The following PCM1 variants were observed in gnomAD, a reference collection of about 807,000 sequenced individuals.
PCM1 encodes pericentriolar material 1, also known as pericentriolar material 1 protein.
In PCM1, 157 loss-of-function variants were observed where a neutral mutation model predicts 241.9. The observed-to-expected ratio is 0.65, with a 90% CI of 0.57 to 0.74. The LOEUF (loss-of-function observed/expected upper bound fraction) is 0.74, where lower values mean the gene tolerates loss of function less well. PCM1 is among the 30% of genes least tolerant of loss of function. The probability of loss-of-function intolerance (pLI) is 0.00; values close to 1 mark genes in which losing one functional copy is unlikely to be tolerated. For synonymous variants in PCM1, 1,085 were observed against 784.9 expected, an observed-to-expected ratio of 1.38 and a Z score of -6.39; for missense variants, 3,478 against 2,360.1, an observed-to-expected ratio of 1.47 and a Z score of -9.81.
chr8:17,997,196 T>A (rs544725854), intron 29 of PCM1, among the ~76,000 whole-genome samples: 1 of 151,656 alleles, frequency 6.6e-6, no homozygotes, highest in Non-Finnish European at 1.5e-5. Context: ...CCTTCAGCAC[T>A]TGAAACATGT....
intron 7 of PCM1, among the ~76,000 whole-genome samples, chr8:17,950,095 T>A (rs768146043): frequency 2.0e-5 from 3 of 152,194 alleles, no homozygotes; most frequent in Admixed American, 6.5e-5. Context: ...TTGTTTACAT[T>A]GTCTGTGGTT....
At chr8:17,994,965 A>G (rs1355612050) in intron 29 of PCM1, among the ~76,000 whole-genome samples, 1 of 151,284 alleles carries the variant, frequency 6.6e-6, no homozygotes, top group African/African-American at 2.5e-5. Context: ...ATTTTCTCTC[A>G]TTCTGTGGGT....
At chr8:17,986,960 G>C (rs933464029) in intron 26 of PCM1, among the ~76,000 whole-genome samples, 1 of 151,720 alleles carries the variant, frequency 6.6e-6, no homozygotes, top group African/African-American at 2.4e-5. Context: ...TCAAAGGATT[G>C]TCTTTCCTTT....
rs1288226092 is a variant in PCM1 at position 17,947,327 on chromosome 8, A to G, written c.925A>G (p.Lys309Glu). ...RQAALLALQH[K>E]AEQAIAVMDD... ...GGCTGCACTTCTAGCTCTGCAACAT[A>G]AAGCAGAGCAAGCTATTGCAGTGAT... The change falls in exon 7 of 39, where the codon AAA (lysine) becomes GAA (glutamate). Residue 309 changes from lysine to glutamate, a missense_variant. Physicochemically the swap from Lys to Glu is moderately conservative, Grantham distance 56. Transcript: ENST00000325083. 2 of 1,609,914 alleles carry G rather than the reference A, an allele frequency of 1.2e-6. No homozygotes were observed. The highest frequency in any genetic ancestry group is 1.7e-5 in the Admixed American group (1 of 59,298).
rs184914561 is a variant in PCM1 at position 17,957,896 on chromosome 8, G to A, written c.2040+121G>A. 2.0e-4 allele frequency: 139 copies of A among 683,894 alleles called. No homozygotes were observed. In the African/African-American group the frequency reaches 2.3e-3, roughly 12 times the overall value. The allele number at this position is 683,894 out of a possible 1,614,324, so 42.4% of individuals were successfully genotyped here. ...ATACACATTTATGTATCATATGTGA[G>A]GTTTAAATTTTTAGCACTTTACATG... On this transcript the variant is annotated intron_variant, in intron 13 of 38. Transcript: ENST00000325083.
intron 21 of PCM1, among the ~76,000 whole-genome samples, chr8:17,968,092 A>G (rs2075580392): frequency 6.6e-6 from 1 of 152,186 alleles, no homozygotes; most frequent in Non-Finnish European, 1.5e-5. Flanking sequence ...AAGCTAAAGA[A>G]TGAATAGAAT....
In PCM1 at chr8:17,989,821, AAGT is replaced by A. The variant is rs1367283518; in HGVS notation, c.4411-36_4411-34del. On this transcript the variant is annotated intron_variant, in intron 26 of 38. Transcript: ENST00000325083. ...TAGATTATTAATATGAAATTCTTAG[AAGT>A]ATTAGTGATTTTTGTTTGTTTTACT... The A allele has an allele frequency of 3.0e-6, 4 of 1,350,166 alleles. No individual in the cohort carries two copies. In the South Asian group the frequency reaches 4.0e-5, roughly 14 times the overall value. 83.6% of individuals were successfully genotyped at this position (1,350,166 alleles called of 1,614,324 possible).
chr8:17,964,755 G>C lies in PCM1; in HGVS notation c.2842G>C (p.Glu948Gln). Residue 948 changes from glutamate (E) to glutamine (Q), a missense_variant, in exon 18 of 39, where the codon GAA becomes CAA. Glu to Gln is a conservative substitution (Grantham distance 29). Coordinates refer to ENST00000325083, the MANE Select transcript of PCM1 (RefSeq NM_006197.4). ...SVNHNSYNGKETKNRWKNNCP... is the reference protein window; with the variant it reads ...SVNHNSYNGKQTKNRWKNNCP... The stretch of plus-strand genomic sequence containing the variant: ...GAATCATAACTCCTACAATGGAAAG[G>C]AAACTAAAAATAGGTTAGTTTCAGT... 6.2e-7 allele frequency: 1 copy of C among 1,612,642 alleles called. No individual in the cohort carries two copies. Among genetic ancestry groups the C allele is most frequent in the African/African-American group, 1.3e-5 (1 of 74,996 alleles).
rs115113067 is a variant in PCM1, at chr8:17,967,184, C to T, written c.3412+14C>T. The stretch of plus-strand genomic sequence containing the variant: ...CATTTGCACCAGGTAGGTGACTTAA[C>T]CTAAAGAGAAAATAAATAAAAGCAA... On this transcript the variant is annotated intron_variant, in intron 21 of 38. Transcript: ENST00000325083. 2.1e-3 allele frequency: 3,297 copies of T among 1,545,712 alleles called. 53 individuals carry two copies. The African/African-American group carries it at 0.037, about 18-fold the overall frequency.
intron 21 of PCM1, 180 bp from the exon 22 acceptor site, chr8:17,969,397 A>G: frequency 1.9e-6 from 1 of 531,888 alleles, no homozygotes. Flanking sequence ...ACCAATGCCT[A>G]AAACATAGTG....
intron 24 of PCM1, among the ~76,000 whole-genome samples, chr8:17,982,385 G>A (rs1290361406): frequency 6.6e-6 from 1 of 151,918 alleles, no homozygotes; most frequent in Non-Finnish European, 1.5e-5. Context: ...AGTACTTCAG[G>A]CCCTATTACT....
chr8:17,969,887 C>G (rs530983381), intron 22 of PCM1, 139 bp downstream of exon 22: 3 of 650,224 alleles, frequency 4.6e-6, no homozygotes, highest in Non-Finnish European at 7.9e-6. Flanking sequence ...GAAACTTTGA[C>G]GTATCAGTAG....
chr8:18,015,149 C>G (rs541704680), intron 36 of PCM1, among the ~76,000 whole-genome samples: 1 of 151,888 alleles, frequency 6.6e-6, no homozygotes, highest in Admixed American at 6.6e-5. Context: ...CTATTCTTCT[C>G]AACTGTTTAG....
chr8:17,999,780 C>G (rs1026894950), intron 29 of PCM1, among the ~76,000 whole-genome samples: 2 of 151,646 alleles, frequency 1.3e-5, no homozygotes, highest in African/African-American at 2.4e-5. Flanking sequence ...ATTTGGTGTT[C>G]CAGAAGGGGA....
In PCM1 at chr8:17,947,374, G is replaced by A; in HGVS notation, c.961+11G>A. 2 of 1,551,950 alleles carry A rather than the reference G, an allele frequency of 1.3e-6. No individual in the cohort carries two copies. The highest frequency in any genetic ancestry group is 1.2e-5 in the South Asian group (1 of 82,156). On this transcript the variant is annotated intron_variant, in intron 7 of 38. Coordinates refer to ENST00000325083, the MANE Select transcript of PCM1 (RefSeq NM_006197.4). Reference sequence around the variant, plus strand: ...TGATGGATGATTCTGGTATGTCACAGTCTGAGAATATTCTTTTTGTAAGGA... The same window carrying A: ...TGATGGATGATTCTGGTATGTCACAATCTGAGAATATTCTTTTTGTAAGGA...
intron 26 of PCM1, among the ~76,000 whole-genome samples, chr8:17,987,791 C>T (rs1365337924): frequency 6.6e-6 from 1 of 151,840 alleles, no homozygotes; most frequent in Non-Finnish European, 1.5e-5. Context: ...TTTATGTCTG[C>T]ATTGTCTAAT....
At chr8:18,007,283 T>C (rs2091591237) in intron 30 of PCM1, among the ~76,000 whole-genome samples, 1 of 152,238 alleles carries the variant, frequency 6.6e-6, no homozygotes, top group South Asian at 2.1e-4. Flanking sequence ...AGATAATCAC[T>C]ATTAACTTTT....
intron 2 of PCM1, among the ~76,000 whole-genome samples, chr8:17,928,696 A>G (rs1282786030): frequency 7.4e-6 from 1 of 135,064 alleles, no homozygotes; most frequent in Non-Finnish European, 1.5e-5. Context: ...CAATGGCACT[A>G]TCTCCGCTCA....
At position 17,938,829 on chromosome 8, in the gene PCM1, G is replaced by A. The variant is rs2061195225; in HGVS notation, c.432G>A (p.Leu144=). ...LSENRKPFNF[L]PMQINTNKSK... is the part of the protein sequence containing the mutation. ...AAAACCGAAAGCCCTTCAACTTTTT[G>A]CCTATGCAGATTAATACTAACAAGA... The change falls in exon 5 of 39, where the codon TTG becomes TTA. Residue 144 remains leucine (L), a synonymous_variant. Transcript: ENST00000325083. 1.9e-6 allele frequency: 3 copies of A among 1,613,566 alleles called. No homozygotes were observed.
Sources: gnomAD v4.1 joint callset for allele counts (sites outside exome capture counted in the v4.1 genomes callset) on GRCh38, gnomAD v4.1.1 for gene constraint, MANE v1.5 for transcripts, NCBI Gene and HGNC (gene_info 2026-07-23, HGNC 2026-07-21) for gene names.